SLC14A2: variants seen among roughly 807,000 people sequenced by gnomAD.
SLC14A2 encodes urea transporter 2.
Under a neutral mutation model 104.6 loss-of-function variants are expected in SLC14A2, and 91 were observed. The observed-to-expected ratio is 0.87, with a 90% CI of 0.73 to 1.04. The LOEUF is 1.04. Among genes scored for constraint, SLC14A2 ranks in the 50% least tolerant of loss-of-function variants. The pLI is 0.00. For missense variants in SLC14A2, 1,189 were observed against 1,156.0 expected, an observed-to-expected ratio of 1.03 and a Z score of -0.41; for synonymous variants, 476 against 466.4, an observed-to-expected ratio of 1.02 and a Z score of -0.27.
chr18:45,475,960 G>C (rs1009056132), intron 1 of SLC14A2, among the ~76,000 whole-genome samples: 1 of 151,712 alleles, frequency 6.6e-6, no homozygotes, highest in Non-Finnish European at 1.5e-5. Context: ...CTTTTAACTG[G>C]GACATTTAGC....
At chr18:45,280,146 T>C (rs150600790) in intron 1 of SLC14A2, among the ~76,000 whole-genome samples, 10 of 152,298 alleles carry the variant, frequency 6.6e-5, no homozygotes, top group African/African-American at 2.4e-4. Flanking sequence ...GTAAAAACCT[T>C]GTTCCAGAGC....
chr18:45,420,264 AGAGT>A (rs1272888757), intron 1 of SLC14A2, among the ~76,000 whole-genome samples: 1 of 152,224 alleles, frequency 6.6e-6, no homozygotes, highest in Non-Finnish European at 1.5e-5. Context: ...GGCTTCTCTC[AGAGT>A]GAGTTATTCA....
chr18:45,208,644 G>C (rs1208184240), upstream of SLC14A2, among the ~76,000 whole-genome samples: 1 of 152,154 alleles, frequency 6.6e-6, no homozygotes, highest in African/African-American at 2.4e-5. Flanking sequence ...CAGAGCAGTG[G>C]AGTGAGAACC....
chr18:45,608,418 GGATTCT>G (rs1188767209), intron 2 of SLC14A2, among the ~76,000 whole-genome samples: 3 of 152,298 alleles, frequency 2.0e-5, no homozygotes, highest in Admixed American at 6.5e-5. Context: ...TGGATTAGGA[GGATTCT>G]GTGCCCAACA....
chr18:45,336,179 A>C (rs893319880), intron 1 of SLC14A2, among the ~76,000 whole-genome samples: 3 of 152,224 alleles, frequency 2.0e-5, no homozygotes, highest in Non-Finnish European at 4.4e-5. Flanking sequence ...GAGATGCAAC[A>C]TGTACCACCT....
At chr18:45,197,843 G>C in the SLC14A2 span, among the ~76,000 whole-genome samples, 9 of 152,248 alleles carry the variant, frequency 5.9e-5, no homozygotes, top group Admixed American at 1.3e-4. Context: ...TATCTTTTGT[G>C]GTTCTCAATT....
At chr18:45,334,247 A>G (rs2085316358) in intron 1 of SLC14A2, among the ~76,000 whole-genome samples, 1 of 152,172 alleles carries the variant, frequency 6.6e-6, no homozygotes, top group Admixed American at 6.5e-5. Flanking sequence ...CCAAAGAACA[A>G]TTGCATTTTG....
At chr18:45,270,069 C>T (rs893750653) in intron 1 of SLC14A2, among the ~76,000 whole-genome samples, 1 of 151,732 alleles carries the variant, frequency 6.6e-6, no homozygotes, top group African/African-American at 2.4e-5. Flanking sequence ...AAATAAACTG[C>T]CTTTGACTGA....
chr18:45,577,264 G>C (rs2044429669), intron 2 of SLC14A2, among the ~76,000 whole-genome samples: 2 of 151,964 alleles, frequency 1.3e-5, no homozygotes, highest in South Asian at 4.2e-4. Flanking sequence ...GGATTCAAAA[G>C]CTTCTCCAAA....
At chr18:45,617,194 G>A (rs1330401570) in intron 1 of SLC14A2, among the ~76,000 whole-genome samples, 3 of 152,192 alleles carry the variant, frequency 2.0e-5, no homozygotes, top group African/African-American at 7.2e-5. Flanking sequence ...AGGTCAAGTG[G>A]TCTGCTCTCT....
chr18:45,660,421 T>TCC (rs2045919355), intron 10 of SLC14A2, among the ~76,000 whole-genome samples: 2 of 152,342 alleles, frequency 1.3e-5, no homozygotes, highest in East Asian at 3.9e-4. Context: ...GAATGTGTCC[T>TCC]CCCTCAGGAG....
chr18:45,233,999 CTATT>C (rs2084201612), intron 1 of SLC14A2, among the ~76,000 whole-genome samples: 2 of 152,118 alleles, frequency 1.3e-5, no homozygotes, highest in African/African-American at 4.8e-5. Flanking sequence ...ACCACCAAGA[CTATT>C]TATTGTCTAG....
At chr18:45,239,905 A>G (rs2084294211) in intron 1 of SLC14A2, among the ~76,000 whole-genome samples, 1 of 152,174 alleles carries the variant, frequency 6.6e-6, no homozygotes, top group Non-Finnish European at 1.5e-5. Context: ...TTTACTTACC[A>G]TCATGTCCTC....
intron 2 of SLC14A2, among the ~76,000 whole-genome samples, chr18:45,573,284 C>T (rs535851817): frequency 3.9e-5 from 6 of 152,272 alleles, no homozygotes; most frequent in Admixed American, 6.5e-5. Flanking sequence ...AGGCTCCATA[C>T]TTTTGAGAAA....
chr18:45,247,672 C>T (rs2084380301), intron 1 of SLC14A2, among the ~76,000 whole-genome samples: 1 of 151,198 alleles, frequency 6.6e-6, no homozygotes, highest in Non-Finnish European at 1.5e-5. Context: ...AGCCTGCTGA[C>T]ATCAGTTGGT....
the SLC14A2 span, among the ~76,000 whole-genome samples, chr18:45,199,834 C>A: frequency 5.5e-4 from 83 of 152,248 alleles, no homozygotes; most frequent in African/African-American, 1.8e-3. Flanking sequence ...CTGGGAACCA[C>A]GATCATGTGA....
intron 10 of SLC14A2, among the ~76,000 whole-genome samples, chr18:45,658,437 C>T (rs1305541517): frequency 2.6e-5 from 4 of 151,944 alleles, no homozygotes; most frequent in Admixed American, 6.6e-5. Context: ...AAAAATTAGC[C>T]GGGTGTAGTG....
intron 1 of SLC14A2, among the ~76,000 whole-genome samples, chr18:45,375,673 G>A (rs1351143963): frequency 6.6e-6 from 1 of 152,148 alleles, no homozygotes; most frequent in East Asian, 1.9e-4. Flanking sequence ...CTCTGTCTAA[G>A]CAGCCGGCAA....
the SLC14A2 span, among the ~76,000 whole-genome samples, chr18:45,170,418 TA>T: frequency 6.6e-6 from 1 of 152,142 alleles, no homozygotes; most frequent in East Asian, 1.9e-4. Flanking sequence ...GAAGTTAAAG[TA>T]AAGAACTTTA....
Sources: gnomAD v4.1 joint callset for allele counts (sites outside exome capture counted in the v4.1 genomes callset) on GRCh38, gnomAD v4.1.1 for gene constraint, MANE v1.5 for transcripts, NCBI Gene and HGNC (gene_info 2026-07-23, HGNC 2026-07-21) for gene names.